BFSP2: variants seen among roughly 807,000 people sequenced by gnomAD.
BFSP2 encodes beaded filament structural protein 2.
A neutral mutation model predicts 44.9 loss-of-function variants in BFSP2; 38 were observed. The ratio of observed to expected loss-of-function variants is 0.85; its 90% CI spans 0.65 to 1.11. The LOEUF (loss-of-function observed/expected upper bound fraction) is 1.11, where lower values mean the gene tolerates loss of function less well. Ranked by LOEUF, BFSP2 falls within the 50% of genes least tolerant of loss-of-function variation. The pLI is 0.00. For synonymous variants in BFSP2, 197 were observed against 209.9 expected (o/e 0.94, Z 0.53); for missense variants, 525 against 533.0 (o/e 0.99, Z 0.15).
At position 133,443,061 on chromosome 3, in the gene BFSP2, T is replaced by C. The variant is rs553591488; in HGVS notation, c.490-4256T>C. The stretch of plus-strand genomic sequence containing the variant: ...TTTAGTAGAGGCAGGGGTTTCACTA[T>C]GTTGGCCAGGCTGGTCTGGAACAAC... On this transcript the variant is annotated intron_variant, in intron 1 of 6. Coordinates refer to ENST00000302334, the MANE Select transcript of BFSP2 (RefSeq NM_003571.4). 6.6e-5 allele frequency among the ~76,000 whole-genome samples: 10 copies of C among 152,190 alleles called. No individual in the cohort carries two copies. The East Asian group carries it at 1.9e-3, about 29-fold the overall frequency.
intron 4 of BFSP2, among the ~76,000 whole-genome samples, chr3:133,454,162 CT>C (rs909735464): frequency 1.9e-4 from 29 of 151,712 alleles, no homozygotes; most frequent in Non-Finnish European, 7.4e-5. Flanking sequence ...AACAAAACAA[CT>C]TTTTTTTTAA....
intron 4 of BFSP2, among the ~76,000 whole-genome samples, chr3:133,454,729 A>G (rs1330238348): frequency 1.3e-5 from 2 of 152,228 alleles, no homozygotes; most frequent in African/African-American, 2.4e-5. Flanking sequence ...TGCTTAAGGC[A>G]ACGTATGTGA....
At chr3:133,449,792 G>A (rs2073939711) in intron 3 of BFSP2, among the ~76,000 whole-genome samples, 2 of 151,866 alleles carry the variant, frequency 1.3e-5, no homozygotes, top group South Asian at 4.2e-4. Flanking sequence ...AGGAGACTGA[G>A]GTGGGAGGAC....
chr3:133,471,170 G>C (rs1287363738), intron 5 of BFSP2, among the ~76,000 whole-genome samples: 3 of 152,196 alleles, frequency 2.0e-5, no homozygotes, highest in Non-Finnish European at 4.4e-5. Context: ...GCCCAGGTTT[G>C]GGCTTTGGAC....
intron 1 of BFSP2, among the ~76,000 whole-genome samples, chr3:133,441,861 T>C (rs1463530270): frequency 2.0e-5 from 3 of 151,492 alleles, no homozygotes; most frequent in African/African-American, 7.3e-5. Context: ...AGGGGCAGAG[T>C]AAAGGGAAGC....
In BFSP2 at chr3:133,448,665, G is replaced by A. The variant is rs767661946; in HGVS notation, c.729+20G>A. 3.1e-6 allele frequency: 5 copies of A among 1,612,274 alleles called. No homozygotes were observed. The highest frequency in any genetic ancestry group is 4.2e-6 in the Non-Finnish European group (5 of 1,179,526). ...GAAGAGGTAGGAGGGGGCTGGGGTT[G>A]CTGGGTTGGCCACAAGACCAGAAGT... is the stretch of plus-strand genomic sequence containing the variant. On this transcript the variant is annotated intron_variant, in intron 3 of 6. Coordinates refer to ENST00000302334, the MANE Select transcript of BFSP2 (RefSeq NM_003571.4).
intron 6 of BFSP2, among the ~76,000 whole-genome samples, chr3:133,474,101 G>A (rs2074191571): frequency 6.6e-6 from 1 of 152,092 alleles, no homozygotes; most frequent in Non-Finnish European, 1.5e-5. Flanking sequence ...TTTTTTAATA[G>A]ATAAGGATTC....
intron 1 of BFSP2, among the ~76,000 whole-genome samples, chr3:133,438,969 C>G (rs1265990215): frequency 1.3e-5 from 2 of 152,172 alleles, no homozygotes; most frequent in Non-Finnish European, 2.9e-5. Flanking sequence ...TGAGGTCAGA[C>G]AGGTGTGAGT....
chr3:133,441,462 C>A (rs755118805), intron 1 of BFSP2, among the ~76,000 whole-genome samples: 8 of 152,266 alleles, frequency 5.3e-5, no homozygotes, highest in Non-Finnish European at 1.0e-4. Context: ...TTGAACCAAG[C>A]TGGATAATGG....
intron 4 of BFSP2, among the ~76,000 whole-genome samples, chr3:133,463,462 C>T (rs531561289): frequency 5.9e-5 from 9 of 152,380 alleles, no homozygotes; most frequent in Non-Finnish European, 1.0e-4. Flanking sequence ...TCTTTCATCC[C>T]TTCTCCCGAT....
intron 1 of BFSP2, among the ~76,000 whole-genome samples, chr3:133,433,925 C>G (rs1455947058): frequency 1.3e-5 from 2 of 152,220 alleles, no homozygotes; most frequent in Non-Finnish European, 2.9e-5. Flanking sequence ...GCCCCAGTCT[C>G]TTTCCAGACA....
At chr3:133,466,776 G>T in intron 4 of BFSP2, 52 bp from the exon 5 acceptor site, 1 of 1,605,398 alleles carries the variant, frequency 6.2e-7, no homozygotes, top group South Asian at 1.1e-5. Context: ...AAGGAAGGAT[G>T]GGCTCAGATT....
intron 4 of BFSP2, 25 bp downstream of exon 4, chr3:133,450,489 C>T (rs2073953267): frequency 6.2e-7 from 1 of 1,613,436 alleles, no homozygotes; most frequent in South Asian, 1.1e-5. Context: ...CAGCATCCTC[C>T]ACTCTGCCCT....
At chr3:133,436,089 C>T (rs1468086925) in intron 1 of BFSP2, among the ~76,000 whole-genome samples, 1 of 152,038 alleles carries the variant, frequency 6.6e-6, no homozygotes, top group Non-Finnish European at 1.5e-5. Flanking sequence ...TTAGGCTGGG[C>T]ACGATGGCTT....
chr3:133,447,039 C>T (rs2073908944), intron 1 of BFSP2, among the ~76,000 whole-genome samples: 1 of 152,128 alleles, frequency 6.6e-6, no homozygotes, highest in Admixed American at 6.5e-5. Flanking sequence ...GTCACTGTGA[C>T]AGAGGCTATG....
At chr3:133,435,401 G>A (rs1182843358) in intron 1 of BFSP2, among the ~76,000 whole-genome samples, 2 of 152,094 alleles carry the variant, frequency 1.3e-5, no homozygotes, top group African/African-American at 2.4e-5. Context: ...TGCTATGACC[G>A]GACCCCTTCC....
chr3:133,450,486 C>T (rs2073953243), intron 4 of BFSP2, 22 bp downstream of exon 4: 1 of 1,613,572 alleles, frequency 6.2e-7, no homozygotes, highest in Non-Finnish European at 8.5e-7. Flanking sequence ...GACCAGCATC[C>T]TCCACTCTGC....
chr3:133,439,286 T>A (rs1249529447), intron 1 of BFSP2, among the ~76,000 whole-genome samples: 1 of 152,282 alleles, frequency 6.6e-6, no homozygotes, highest in Non-Finnish European at 1.5e-5. Flanking sequence ...TGTACCTCTA[T>A]TTTCTGCCTT....
chr3:133,448,830 C>A, intron 3 of BFSP2, 185 bp downstream of exon 3: 1 of 721,090 alleles, frequency 1.4e-6, no homozygotes, highest in Non-Finnish European at 2.3e-6. Flanking sequence ...CCCCAGCAGT[C>A]TCAAACTCAA....
Sources: allele counts gnomAD v4.1 joint callset (sites outside exome capture counted in the v4.1 genomes callset), GRCh38; gene constraint gnomAD v4.1.1; transcripts MANE v1.5; gene names NCBI Gene and HGNC (gene_info 2026-07-23, HGNC 2026-07-21).